MTDH: variants seen among roughly 807,000 people sequenced by gnomAD.
MTDH encodes protein LYRIC.
In MTDH, 34 loss-of-function variants were observed where a neutral mutation model predicts 72.7. The ratio of observed to expected loss-of-function variants is 0.47; its 90% CI spans 0.36 to 0.62. The LOEUF (loss-of-function observed/expected upper bound fraction) is 0.62, where lower values mean the gene tolerates loss of function less well. MTDH is among the 20% of genes least tolerant of loss of function. The pLI is 0.00. For missense variants in MTDH, 677 were observed against 699.4 expected, an observed-to-expected ratio of 0.97 and a Z score of 0.36; for synonymous variants, 266 against 268.9, an observed-to-expected ratio of 0.99 and a Z score of 0.10.
intron 1 of MTDH, among the ~76,000 whole-genome samples, chr8:97,654,649 G>A (rs143287238): frequency 0.019 from 2,838 of 151,768 alleles, 96 homozygotes; most frequent in African/African-American, 0.065. Context: ...GTGATTTGCT[G>A]CACCCATCAA....
At chr8:97,716,292 A>G (rs1258181857) in intron 9 of MTDH, among the ~76,000 whole-genome samples, 1 of 152,152 alleles carries the variant, frequency 6.6e-6, no homozygotes, top group Non-Finnish European at 1.5e-5. Context: ...AGGCTGAGGT[A>G]GGAGAATCAC....
At chr8:97,672,212 T>C (rs1043398346) in intron 2 of MTDH, among the ~76,000 whole-genome samples, 11 of 152,220 alleles carry the variant, frequency 7.2e-5, no homozygotes, top group African/African-American at 1.7e-4. Flanking sequence ...TGGCAGTTTT[T>C]TACTATAGCA....
intron 8 of MTDH, among the ~76,000 whole-genome samples, chr8:97,712,441 T>C (rs1814676912): frequency 6.6e-6 from 1 of 152,250 alleles, no homozygotes; most frequent in Non-Finnish European, 1.5e-5. Flanking sequence ...TGCTGAGTGA[T>C]ATTCCATGGT....
chr8:97,701,669 A>T (rs1205019856), intron 7 of MTDH, among the ~76,000 whole-genome samples: 1 of 152,204 alleles, frequency 6.6e-6, no homozygotes, highest in Non-Finnish European at 1.5e-5. Flanking sequence ...CAATGATAGG[A>T]GTGACTATAG....
chr8:97,713,885 T>A (rs956009460), intron 9 of MTDH, 116 bp downstream of exon 9: 6 of 495,964 alleles, frequency 1.2e-5, no homozygotes, highest in East Asian at 3.1e-5. Context: ...CATCATTTAT[T>A]TGAAAAATCA....
intron 6 of MTDH, 49 bp downstream of exon 6, chr8:97,691,237 T>C: frequency 7.6e-7 from 1 of 1,320,412 alleles, no homozygotes; most frequent in Non-Finnish European, 1.0e-6. Context: ...ACTAATCTTG[T>C]ACATTTTTAA....
At chr8:97,702,138 T>C (rs899325423) in intron 7 of MTDH, among the ~76,000 whole-genome samples, 18 of 152,238 alleles carry the variant, frequency 1.2e-4, no homozygotes, top group Admixed American at 1.0e-3. Context: ...CAGTATGATA[T>C]AATTAACATA....
Position 97,692,878 on chromosome 8 carries a change from C to T in MTDH, c.1048+1690C>T, listed in dbSNP as rs550103846. Among the ~76,000 whole-genome samples, 7 of 151,944 alleles carry T rather than the reference C, an allele frequency of 4.6e-5. No homozygotes were observed. In the South Asian group the frequency reaches 1.5e-3, roughly 32 times the overall value. ...CCGAGTAGTTGGGATTACAGGCGCA[C>T]ACCACCACACTTGGCTAATTTTTGT... On this transcript the variant is annotated intron_variant, in intron 6 of 11. Transcript: ENST00000336273.
intron 6 of MTDH, among the ~76,000 whole-genome samples, chr8:97,697,350 G>A (rs1348473025): frequency 7.0e-6 from 1 of 142,852 alleles, no homozygotes; most frequent in Non-Finnish European, 1.5e-5. Flanking sequence ...GTAAGCAAAT[G>A]ACTTTCTGGT....
intron 2 of MTDH, among the ~76,000 whole-genome samples, chr8:97,671,102 A>C (rs960820834): frequency 2.0e-5 from 3 of 151,768 alleles, no homozygotes; most frequent in Admixed American, 2.0e-4. Context: ...AGTAGCTGGG[A>C]CTACAGGCGC....
chr8:97,715,022 G>A (rs1225978410), intron 9 of MTDH, among the ~76,000 whole-genome samples: 2 of 152,000 alleles, frequency 1.3e-5, no homozygotes, highest in Non-Finnish European at 2.9e-5. Flanking sequence ...ACAGGCTTTC[G>A]CCATGTTAGC....
chr8:97,692,550 G>A (rs935994423), intron 6 of MTDH, among the ~76,000 whole-genome samples: 18 of 150,662 alleles, frequency 1.2e-4, no homozygotes, highest in African/African-American at 4.2e-4. Flanking sequence ...TTATTTTTTT[G>A]TATTTTTAGT....
chr8:97,659,689 A>G (rs1417231171), intron 1 of MTDH, among the ~76,000 whole-genome samples: 2 of 152,210 alleles, frequency 1.3e-5, no homozygotes, highest in Non-Finnish European at 2.9e-5. Context: ...TTCTGTAAGA[A>G]CTGAAAATAA....
chr8:97,719,757 G>C (rs1370367109), intron 10 of MTDH, among the ~76,000 whole-genome samples: 1 of 152,102 alleles, frequency 6.6e-6, no homozygotes, highest in Non-Finnish European at 1.5e-5. Context: ...GCATACAAGG[G>C]ATAGACAGCT....
chr8:97,653,084 A>T (rs999294212), intron 1 of MTDH, among the ~76,000 whole-genome samples: 1 of 151,692 alleles, frequency 6.6e-6, no homozygotes, highest in Non-Finnish European at 1.5e-5. Flanking sequence ...GCACCACTGT[A>T]CTCTAGCCTG....
At chr8:97,714,812 G>A (rs1170184860) in intron 9 of MTDH, among the ~76,000 whole-genome samples, 2 of 150,766 alleles carry the variant, frequency 1.3e-5, no homozygotes, top group Non-Finnish European at 3.0e-5. Flanking sequence ...CCTACTTATT[G>A]TTCTATTTGT....
At chr8:97,701,077 T>C (rs1814102349) in intron 7 of MTDH, among the ~76,000 whole-genome samples, 1 of 152,194 alleles carries the variant, frequency 6.6e-6, no homozygotes, top group Non-Finnish European at 1.5e-5. Flanking sequence ...TAGTACCTCA[T>C]ATGGTTAGGG....
At chr8:97,672,716 C>T (rs1384783069) in intron 2 of MTDH, among the ~76,000 whole-genome samples, 2 of 152,150 alleles carry the variant, frequency 1.3e-5, no homozygotes, top group African/African-American at 4.8e-5. Context: ...TGGTTTTAAA[C>T]ATGCTTAGAT....
intron 2 of MTDH, among the ~76,000 whole-genome samples, chr8:97,684,872 C>T (rs978638283): frequency 6.6e-6 from 1 of 152,148 alleles, no homozygotes; most frequent in Non-Finnish European, 1.5e-5. Context: ...TCGAGACCAG[C>T]CTGGCTGACA....
Sources: gnomAD v4.1 joint callset for allele counts (sites outside exome capture counted in the v4.1 genomes callset) on GRCh38, gnomAD v4.1.1 for gene constraint, MANE v1.5 for transcripts, NCBI Gene and HGNC (gene_info 2026-07-23, HGNC 2026-07-21) for gene names.